DARS1: variants seen among roughly 807,000 people sequenced by gnomAD.
The protein encoded by DARS1 is aspartate--tRNA ligase, cytoplasmic.
DARS1 carries 51 observed loss-of-function variants against 68.8 expected under a neutral mutation model. The observed-to-expected ratio is 0.74, with a 90% CI of 0.59 to 0.94. The LOEUF (loss-of-function observed/expected upper bound fraction) is 0.94. DARS1 is among the 40% of genes least tolerant of loss of function. The pLI is 0.00. For missense variants in DARS1, 607 were observed against 597.3 expected (o/e 1.02, Z -0.17); for synonymous variants, 203 against 190.4 (o/e 1.07, Z -0.55).
intron 5 of DARS1, among the ~76,000 whole-genome samples, chr2:135,939,970 T>C (rs1275189004): frequency 6.6e-6 from 1 of 152,090 alleles, no homozygotes; most frequent in Non-Finnish European, 1.5e-5. Context: ...AGAAGCTGAA[T>C]CCCTCAATAG....
intron 3 of DARS1, among the ~76,000 whole-genome samples, chr2:135,964,840 CAAAAA>C (rs372676148): frequency 4.4e-4 from 22 of 49,636 alleles, no homozygotes; most frequent in Non-Finnish European, 8.3e-4. Flanking sequence ...GACTCCACCT[CAAAAA>C]AAAAAAAAAA....
At chr2:135,961,118 T>C (rs1409588222) in intron 4 of DARS1, among the ~76,000 whole-genome samples, 1 of 152,186 alleles carries the variant, frequency 6.6e-6, no homozygotes, top group Non-Finnish European at 1.5e-5. Context: ...CTCTGCTATG[T>C]TGAGGCTGCC....
intron 5 of DARS1, among the ~76,000 whole-genome samples, chr2:135,934,522 T>A (rs1681424626): frequency 6.6e-6 from 1 of 151,962 alleles, no homozygotes; most frequent in Non-Finnish European, 1.5e-5. Flanking sequence ...CTTGGGTGGC[T>A]GAGGCACAAG....
At chr2:135,922,994 T>C (rs977961053) in intron 8 of DARS1, 76 bp from the exon 9 acceptor site, 1 of 1,298,746 alleles carries the variant, frequency 7.7e-7, no homozygotes, top group African/African-American at 1.5e-5. Context: ...AGTTAAAAAG[T>C]TTATACTCAG....
chr2:135,985,052 T>C lies in DARS1; in HGVS notation c.66+351A>G, dbSNP rs2104854726. 9.3e-6 allele frequency: 3 copies of C among 324,190 alleles called. 1 individual carries two copies. The Admixed American group carries it at 1.3e-4, about 14-fold the overall frequency. The allele number at this position is 324,190 out of a possible 1,614,324, so 20.1% of individuals were successfully genotyped here. A position where few individuals can be genotyped will look rare whatever the true frequency, so the allele number is the denominator to read the frequency against. Reference sequence around the variant, plus strand: ...GTACATATCGATTACTAGTGCTTATTAAAATTTTCCCAGGGATTGTGCATT... The same window carrying C: ...GTACATATCGATTACTAGTGCTTATCAAAATTTTCCCAGGGATTGTGCATT... On this transcript the variant is annotated intron_variant, in intron 1 of 15. Coordinates refer to ENST00000264161, the MANE Select transcript of DARS1 (RefSeq NM_001349.4).
At position 135,965,858 on chromosome 2, in the gene DARS1, TCAAA is replaced by T. The variant is rs763457353; in HGVS notation, c.218-4364_218-4361del. On this transcript the variant is annotated intron_variant, in intron 3 of 15. Transcript: ENST00000264161. ...CCACTTAAAATGATTTTTAAAGGACTCAAACAAACAAACAAACCATCAGTACTGG... is the reference window on the plus strand; with the variant it reads ...CCACTTAAAATGATTTTTAAAGGACTCAAACAAACAAACCATCAGTACTGG... 1.6e-4 allele frequency among the ~76,000 whole-genome samples: 24 copies of T among 152,330 alleles called. No homozygotes were observed. In the South Asian group the frequency reaches 3.1e-3, roughly 20 times the overall value.
chr2:135,978,142 CAAAAAAAAA>C (rs59505882), intron 3 of DARS1, among the ~76,000 whole-genome samples: 1 of 54,736 alleles, frequency 1.8e-5, no homozygotes, highest in Admixed American at 2.4e-4. Context: ...GACTCTGTCT[CAAAAAAAAA>C]AAAAAAAAAA....
At chr2:135,912,434 A>C in intron 13 of DARS1, 52 bp downstream of exon 13, 1 of 732,516 alleles carries the variant, frequency 1.4e-6, no homozygotes, top group East Asian at 2.6e-5. Flanking sequence ...GACAGTGACA[A>C]TAAAATTTCC....
At chr2:135,978,827 G>A (rs747409868) in intron 3 of DARS1, among the ~76,000 whole-genome samples, 26 of 152,224 alleles carry the variant, frequency 1.7e-4, no homozygotes, top group South Asian at 6.2e-4. Context: ...TGTGGTCAGT[G>A]GTTACTGTAT....
At chr2:135,942,800 C>T (rs1036520994) in intron 5 of DARS1, among the ~76,000 whole-genome samples, 24 of 152,040 alleles carry the variant, frequency 1.6e-4, no homozygotes, top group African/African-American at 5.8e-4. Context: ...CCCTATGTGG[C>T]TGTGGTAGAC....
rs869183598 is a variant in DARS1, at chr2:135,907,238, C to CTTTTTT, written c.*77_*78insAAAAAA. ...AGGTTACTGAAAAGAATAAGTGTGGCTTTCTTTTTTTTTTTTTTTTTTTGA... is the reference window on the plus strand; with the variant it reads ...AGGTTACTGAAAAGAATAAGTGTGGCTTTTTTTTTCTTTTTTTTTTTTTTTTTTTGA... On this transcript the variant is annotated 3_prime_UTR_variant, in exon 16 of 16. Transcript: ENST00000264161. 1.6e-4 allele frequency: 119 copies of CTTTTTT among 725,328 alleles called. 2 individuals are homozygous for CTTTTTT. Among genetic ancestry groups the CTTTTTT allele is most frequent in the South Asian group, 9.1e-4 (43 of 47,052 alleles). 44.9% of individuals were successfully genotyped at this position (725,328 alleles called of 1,614,324 possible). A position where few individuals can be genotyped will look rare whatever the true frequency, so the allele number is the denominator to read the frequency against.
At chr2:135,959,134 G>A (rs1205531151) in intron 4 of DARS1, among the ~76,000 whole-genome samples, 1 of 152,024 alleles carries the variant, frequency 6.6e-6, no homozygotes, top group Non-Finnish European at 1.5e-5. Flanking sequence ...GCTCATGCCT[G>A]TAATCCCAGC....
chr2:135,932,967 C>A, intron 6 of DARS1, 125 bp from the exon 7 acceptor site: 1 of 556,258 alleles, frequency 1.8e-6, no homozygotes, highest in Non-Finnish European at 3.1e-6. Flanking sequence ...AATATTATGC[C>A]CGAAAATCAG....
chr2:135,977,738 C>G (rs1211477440), intron 3 of DARS1, among the ~76,000 whole-genome samples: 1 of 152,160 alleles, frequency 6.6e-6, no homozygotes, highest in Non-Finnish European at 1.5e-5. Context: ...AATAGACAAA[C>G]TCTTAACAAT....
At chr2:135,951,294 A>G (rs1024438341) in intron 4 of DARS1, among the ~76,000 whole-genome samples, 1 of 152,244 alleles carries the variant, frequency 6.6e-6, no homozygotes, top group Non-Finnish European at 1.5e-5. Flanking sequence ...CCATATGGGA[A>G]GATGAGCCCA....
intron 5 of DARS1, among the ~76,000 whole-genome samples, chr2:135,939,117 A>G (rs1302516756): frequency 2.0e-5 from 3 of 152,078 alleles, no homozygotes; most frequent in Admixed American, 2.0e-4. Flanking sequence ...GAAAGATAAC[A>G]AGGATATCCA....
In DARS1 at chr2:135,954,325, C is replaced by CAAA. The variant is rs1172207033; in HGVS notation, c.320+7068_320+7070dup. On this transcript the variant is annotated intron_variant, in intron 4 of 15. Transcript: ENST00000264161. Reference sequence around the variant, plus strand: ...AAAAACAAAACCAAAAAAACAAAACCAAAAAAAAAAAAAAAAAAAAGAGAG... The same window carrying CAAA: ...AAAAACAAAACCAAAAAAACAAAACCAAAAAAAAAAAAAAAAAAAAAAAGAGAG... Among the ~76,000 whole-genome samples the CAAA allele has an allele frequency of 6.7e-3, 543 of 81,384 alleles. 2 individuals carry two copies. The highest frequency in any genetic ancestry group is 0.023 in the African/African-American group (490 of 21,308). The allele number at this position is 81,384 out of a possible 152,430, so 53.4% of individuals were successfully genotyped here.
At chr2:135,936,109 C>T (rs1681467336) in intron 5 of DARS1, among the ~76,000 whole-genome samples, 1 of 152,222 alleles carries the variant, frequency 6.6e-6, no homozygotes, top group Admixed American at 6.5e-5. Flanking sequence ...AGAGTCTTCA[C>T]ATAGTGCTTG....
chr2:135,951,683 G>A (rs1470844566), intron 4 of DARS1, among the ~76,000 whole-genome samples: 1 of 152,158 alleles, frequency 6.6e-6, no homozygotes, highest in Admixed American at 6.5e-5. Flanking sequence ...GGCCATGCAG[G>A]AATATACAAA....
Sources: gnomAD v4.1 joint callset for allele counts (sites outside exome capture counted in the v4.1 genomes callset) on GRCh38, gnomAD v4.1.1 for gene constraint, MANE v1.5 for transcripts, NCBI Gene and HGNC (gene_info 2026-07-23, HGNC 2026-07-21) for gene names.